Variants in TCF7L1 observed in about 807,000 individuals in gnomAD.
TCF7L1 encodes the protein transcription factor 7-like 1.
Under a neutral mutation model 63.7 loss-of-function variants are expected in TCF7L1, and 18 were observed. The ratio of observed to expected loss-of-function variants is 0.28; its 90% confidence interval spans 0.20 to 0.42. The LOEUF (loss-of-function observed/expected upper bound fraction) is 0.42. Ranked by LOEUF, TCF7L1 falls within the 10% of genes least tolerant of loss-of-function variation. TCF7L1 has a pLI of 1.00. For missense variants in TCF7L1, 654 were observed against 779.3 expected, an observed-to-expected ratio of 0.84 and a Z score of 1.91; for synonymous variants, 355 against 340.9, an observed-to-expected ratio of 1.04 and a Z score of -0.46.
chr2:85,248,335 A>T (rs1290195050), intron 3 of TCF7L1, among the ~76,000 whole-genome samples: 1 of 152,172 alleles, frequency 6.6e-6, no homozygotes, highest in Non-Finnish European at 1.5e-5. Flanking sequence ...CGCAGATTCT[A>T]CTTCAGTAGG....
intron 3 of TCF7L1, among the ~76,000 whole-genome samples, chr2:85,147,064 G>A (rs1478766927): frequency 6.6e-6 from 1 of 152,140 alleles, no homozygotes; most frequent in Non-Finnish European, 1.5e-5. Flanking sequence ...AGTTCTAGGT[G>A]GAGATACACG....
At chr2:85,246,407 C>T (rs1403940428) in intron 3 of TCF7L1, among the ~76,000 whole-genome samples, 2 of 152,240 alleles carry the variant, frequency 1.3e-5, no homozygotes, top group East Asian at 1.9e-4. Flanking sequence ...CAGAAGGGAG[C>T]TCACCTCCCA....
intron 3 of TCF7L1, among the ~76,000 whole-genome samples, chr2:85,256,361 C>G (rs1435094248): frequency 6.6e-6 from 1 of 152,192 alleles, no homozygotes; most frequent in Non-Finnish European, 1.5e-5. Context: ...GTTGTGTTAT[C>G]CAAATCCACA....
chr2:85,194,298 G>A (rs1482399815), intron 3 of TCF7L1, among the ~76,000 whole-genome samples: 2 of 152,116 alleles, frequency 1.3e-5, no homozygotes, highest in African/African-American at 2.4e-5. Flanking sequence ...GGAGGCCAAG[G>A]CGGGTGGATT....
chr2:85,135,191 A>C (rs1255979359), intron 3 of TCF7L1, among the ~76,000 whole-genome samples: 2 of 152,084 alleles, frequency 1.3e-5, no homozygotes, highest in Non-Finnish European at 2.9e-5. Flanking sequence ...ACGACGTGCA[A>C]ATGAGGGCGG....
Position 85,309,273 on chromosome 2 carries a change from G to A in TCF7L1, c.1578G>A (p.Lys526=), listed in dbSNP as rs759411019. The A allele has an allele frequency of 1.9e-6, 3 of 1,613,728 alleles. No individual in the cohort carries two copies. The highest frequency in any genetic ancestry group is 2.2e-5 in the South Asian group (2 of 91,066). ...ALHSAAFLSA[K]AAASSSGQMG... ...ACTCTGCCGCCTTCCTGTCGGCTAA[G>A]GCTGCAGCCTCCTCCTCTGGGCAGA... The change falls in exon 12 of 12, where the codon AAG becomes AAA. Residue 526 remains lysine (K), a synonymous_variant. Transcript: ENST00000282111.
intron 3 of TCF7L1, among the ~76,000 whole-genome samples, chr2:85,259,685 T>A (rs189581856): frequency 4.0e-4 from 61 of 152,352 alleles, no homozygotes; most frequent in Non-Finnish European, 7.6e-4. Context: ...GAATAATCTT[T>A]TGGGAAAAAC....
At chr2:85,199,323 G>A (rs1679224412) in intron 3 of TCF7L1, among the ~76,000 whole-genome samples, 1 of 152,178 alleles carries the variant, frequency 6.6e-6, no homozygotes, top group South Asian at 2.1e-4. Context: ...TAAAAAAAAT[G>A]TGGAAGAGAC....
At chr2:85,254,466 T>C (rs1409240093) in intron 3 of TCF7L1, among the ~76,000 whole-genome samples, 1 of 152,228 alleles carries the variant, frequency 6.6e-6, no homozygotes, top group Admixed American at 6.5e-5. Flanking sequence ...TGAAGGTTGT[T>C]TCATAGCCAT....
At chr2:85,256,424 A>G (rs1454902622) in intron 3 of TCF7L1, among the ~76,000 whole-genome samples, 1 of 152,126 alleles carries the variant, frequency 6.6e-6, no homozygotes, top group African/African-American at 2.4e-5. Flanking sequence ...GGCAGAAGAG[A>G]ATGTTCAAGG....
intron 3 of TCF7L1, among the ~76,000 whole-genome samples, chr2:85,229,078 G>A (rs566107479): frequency 1.8e-3 from 271 of 151,648 alleles, no homozygotes; most frequent in African/African-American, 6.2e-3. Context: ...CAGGCGCGGT[G>A]GCTCACGCCT....
intron 3 of TCF7L1, among the ~76,000 whole-genome samples, chr2:85,260,848 T>TGTCC (rs1680842225): frequency 6.6e-6 from 1 of 152,112 alleles, no homozygotes; most frequent in African/African-American, 2.4e-5. Flanking sequence ...AGAACAGGTG[T>TGTCC]GTCCAAGCAG....
chr2:85,255,678 C>T lies in TCF7L1; in HGVS notation c.442-27817C>T, dbSNP rs144819319. On this transcript the variant is annotated intron_variant, in intron 3 of 11. Transcript: ENST00000282111. ...CCAGCCCTTCAGTCCCTGATCCTTT[C>T]GGGCCCCTCCTAGGCCAGAATGTCC... Among the ~76,000 whole-genome samples, 271 of 152,318 alleles carry T rather than the reference C, an allele frequency of 1.8e-3. 1 individual carries two copies. Among genetic ancestry groups the T allele is most frequent in the African/African-American group, 6.3e-3 (263 of 41,576 alleles).
At chr2:85,305,553 C>T (rs1011598098) in intron 8 of TCF7L1, 150 bp downstream of exon 8, 17 of 955,758 alleles carry the variant, frequency 1.8e-5, no homozygotes, top group South Asian at 7.0e-5. Flanking sequence ...CCCTCTTCCT[C>T]GGGACTTACT....
At chr2:85,273,565 C>T (rs922913717) in intron 3 of TCF7L1, among the ~76,000 whole-genome samples, 1 of 152,216 alleles carries the variant, frequency 6.6e-6, no homozygotes, top group Non-Finnish European at 1.5e-5. Context: ...TTGCTGTTAG[C>T]AGTGTCAACT....
At chr2:85,199,552 C>G (rs897907233) in intron 3 of TCF7L1, among the ~76,000 whole-genome samples, 10 of 152,196 alleles carry the variant, frequency 6.6e-5, no homozygotes, top group Admixed American at 6.5e-4. Flanking sequence ...AGTCCCCAAA[C>G]TCCACCCCAG....
chr2:85,222,531 A>T (rs557410443), intron 3 of TCF7L1, among the ~76,000 whole-genome samples: 10 of 151,264 alleles, frequency 6.6e-5, no homozygotes, highest in South Asian at 6.3e-4. Context: ...TTAGCCCGGC[A>T]CAGGGGTATG....
chr2:85,196,446 C>T (rs1167719282), intron 3 of TCF7L1, among the ~76,000 whole-genome samples: 1 of 152,158 alleles, frequency 6.6e-6, no homozygotes, highest in Non-Finnish European at 1.5e-5. Flanking sequence ...CAGTGATTCT[C>T]AGCCCAGCAG....
At chr2:85,307,871 G>A (rs1469220504) in intron 11 of TCF7L1, among the ~76,000 whole-genome samples, 154 bp downstream of exon 11, 3 of 152,178 alleles carry the variant, frequency 2.0e-5, no homozygotes, top group Non-Finnish European at 2.9e-5. Flanking sequence ...CCACTTAAGA[G>A]GCTCTGAGAT....
Sources: allele counts gnomAD v4.1 joint callset (sites outside exome capture counted in the v4.1 genomes callset), GRCh38; gene constraint gnomAD v4.1.1; transcripts MANE v1.5; gene names NCBI Gene and HGNC (gene_info 2026-07-23, HGNC 2026-07-21).